The following PRKX variants were observed in gnomAD, a reference collection of about 807,000 sequenced individuals.
PRKX encodes protein kinase cAMP-dependent X-linked catalytic subunit, also known as cAMP-dependent protein kinase catalytic subunit PRKX.
Under a neutral mutation model 22.0 loss-of-function variants are expected in PRKX, and 12 were observed. The observed-to-expected ratio is 0.54, with a 90% CI of 0.35 to 0.88. The LOEUF is 0.88. Ranked by LOEUF, PRKX falls within the 40% of genes least tolerant of loss-of-function variation. PRKX has a pLI of 0.01. For synonymous variants in PRKX, 134 were observed against 137.7 expected, an observed-to-expected ratio of 0.97 and a Z score of 0.19; for missense variants, 217 against 308.0, an observed-to-expected ratio of 0.70 and a Z score of 2.21.
At chrX:3,704,402 C>T (rs753979250) in intron 1 of PRKX, among the ~76,000 whole-genome samples, 3 of 111,970 alleles carry the variant, frequency 2.7e-5, no homozygotes, top group African/African-American at 6.5e-5. Context: ...TGGTGGCTCA[C>T]GCCTGTAATC....
intron 1 of PRKX, among the ~76,000 whole-genome samples, chrX:3,697,843 A>C (rs1928476823): frequency 8.9e-6 from 1 of 112,014 alleles, no homozygotes; most frequent in Non-Finnish European, 1.9e-5. Context: ...GGGCAACCGC[A>C]CACAGCCATG....
intron 1 of PRKX, among the ~76,000 whole-genome samples, chrX:3,700,187 C>G (rs1420217740): frequency 1.8e-5 from 2 of 112,118 alleles, no homozygotes; most frequent in African/African-American, 6.5e-5. Flanking sequence ...GACCCTCTGG[C>G]TTGTGACAGC....
In PRKX at chrX:3,667,069, A is replaced by G. The variant is rs779131965; in HGVS notation, c.335+7529T>C. 7.2e-5 allele frequency among the ~76,000 whole-genome samples: 8 copies of G among 111,462 alleles called. No individual in the cohort carries two copies. The East Asian group carries it at 2.2e-3, about 31-fold the overall frequency. On this transcript the variant is annotated intron_variant, in intron 2 of 8. Transcript: ENST00000262848. ...GAAAGTCAACATGAAGAAAGAGTCA[A>G]TGTCGTCAACAACGACTGAGACAAG...
At chrX:3,643,836 G>A (rs188376033) in intron 3 of PRKX, among the ~76,000 whole-genome samples, 1 of 110,965 alleles carries the variant, frequency 9.0e-6, no homozygotes, top group African/African-American at 3.3e-5. Flanking sequence ...CATGTGCAAA[G>A]CCTATTTTAT....
At chrX:3,684,613 T>C (rs1928138819) in intron 1 of PRKX, among the ~76,000 whole-genome samples, 1 of 111,418 alleles carries the variant, frequency 9.0e-6, no homozygotes, top group South Asian at 3.8e-4. Flanking sequence ...ACTACTGTAA[T>C]AACCTAACAC....
chrX:3,710,627 G>T (rs1261330697), intron 1 of PRKX, among the ~76,000 whole-genome samples: 1 of 111,660 alleles, frequency 9.0e-6, no homozygotes. Flanking sequence ...GCCTGCCTCG[G>T]CCTCCCAAAG....
chrX:3,649,695 A>G (rs867758293), intron 3 of PRKX, among the ~76,000 whole-genome samples: 1 of 10,081 alleles, frequency 9.9e-5, no homozygotes, highest in Non-Finnish European at 1.7e-4. Context: ...GAGGGGAGGG[A>G]AGGGGAAGGA....
Position 3,636,276 on chromosome X carries a change from G to A in PRKX, c.719+5576C>T, listed in dbSNP as rs1346166577. Among the ~76,000 whole-genome samples the A allele has an allele frequency of 2.7e-5, 3 of 112,448 alleles. No homozygotes were observed. In the South Asian group the frequency reaches 1.1e-3, roughly 41 times the overall value. On this transcript the variant is annotated intron_variant, in intron 4 of 8. Coordinates refer to ENST00000262848, the MANE Select transcript of PRKX (RefSeq NM_005044.5). ...AAAGGTGCAGACACAGGCTGCGAAG[G>A]GAGCAGGAAGACTCTGACTGCAGGC...
At chrX:3,712,426 G>C (rs1427970435) in intron 1 of PRKX, among the ~76,000 whole-genome samples, 1 of 111,417 alleles carries the variant, frequency 9.0e-6, no homozygotes, top group East Asian at 2.8e-4. Flanking sequence ...TGCCCATTCG[G>C]GGTTAAGTTC....
intron 1 of PRKX, among the ~76,000 whole-genome samples, chrX:3,683,440 C>T (rs1470317622): frequency 1.8e-5 from 2 of 110,648 alleles, no homozygotes; most frequent in Non-Finnish European, 3.8e-5. Context: ...CATGTCTGAG[C>T]CTTCCCAGGC....
intron 2 of PRKX, among the ~76,000 whole-genome samples, chrX:3,670,779 A>G (rs1245658761): frequency 2.7e-5 from 3 of 111,065 alleles, no homozygotes; most frequent in Non-Finnish European, 5.7e-5. Context: ...TCCTGGGTGC[A>G]AGGGACACTC....
At chrX:3,623,701 C>T (rs1224002871) in intron 5 of PRKX, among the ~76,000 whole-genome samples, 2 of 111,424 alleles carry the variant, frequency 1.8e-5, no homozygotes, top group African/African-American at 6.5e-5. Flanking sequence ...GGTCCCTTGA[C>T]CCCGGGATAA....
intron 1 of PRKX, among the ~76,000 whole-genome samples, chrX:3,709,940 C>G (rs1443908096): frequency 1.8e-5 from 2 of 109,873 alleles, no homozygotes; most frequent in Non-Finnish European, 3.8e-5. Flanking sequence ...CGCCACCATG[C>G]CCAGCTAACT....
chrX:3,688,214 G>A (rs746814244), intron 1 of PRKX, among the ~76,000 whole-genome samples: 8,909 of 101,023 alleles, frequency 0.088, 643 homozygotes, highest in East Asian at 0.28. Context: ...GGGAGGCCGA[G>A]GCAGGTGGAT....
chrX:3,616,796 G>T (rs1181098050), intron 6 of PRKX, among the ~76,000 whole-genome samples: 3 of 111,677 alleles, frequency 2.7e-5, no homozygotes, highest in Non-Finnish European at 5.6e-5. Context: ...AGGTATTTTT[G>T]ATCTATAGCT....
Position 3,618,076 on chromosome X carries a change from AG to A in PRKX, c.874-2185del, listed in dbSNP as rs1264630219. 9.2e-4 allele frequency among the ~76,000 whole-genome samples: 96 copies of A among 103,956 alleles called. 2 individuals are homozygous for A. Among genetic ancestry groups the A allele is most frequent in the East Asian group, 5.7e-3 (18 of 3,172 alleles). The allele number at this position is 103,956 out of a possible 115,157, so 90.3% of individuals were successfully genotyped here. Reference sequence around the variant, plus strand: ...AAAAAAAAAAAAAAAAAAGAGAGAGAGAGAGAGAGAAATAAGCCAGGCACAG... The same window carrying A: ...AAAAAAAAAAAAAAAAAAGAGAGAGAAGAGAGAGAAATAAGCCAGGCACAG... On this transcript the variant is annotated intron_variant, in intron 6 of 8. Coordinates refer to ENST00000262848, the MANE Select transcript of PRKX (RefSeq NM_005044.5).
chrX:3,686,868 T>C (rs763736334), intron 1 of PRKX, among the ~76,000 whole-genome samples: 20 of 112,270 alleles, frequency 1.8e-4, no homozygotes, highest in African/African-American at 5.5e-4. Flanking sequence ...ATCTATTTTT[T>C]AATTATGGTA....
intron 1 of PRKX, among the ~76,000 whole-genome samples, chrX:3,693,657 G>A (rs1021387700): frequency 9.0e-6 from 1 of 111,084 alleles, no homozygotes; most frequent in Non-Finnish European, 1.9e-5. Context: ...GGTTTTTGAG[G>A]CCGGGCGCGG....
intron 3 of PRKX, among the ~76,000 whole-genome samples, chrX:3,647,930 T>C (rs1330290923): frequency 1.8e-5 from 2 of 111,028 alleles, no homozygotes; most frequent in Non-Finnish European, 3.8e-5. Flanking sequence ...TCTGTCCTTA[T>C]GATTTGGAAG....
Sources: allele counts gnomAD v4.1 joint callset (sites outside exome capture counted in the v4.1 genomes callset), GRCh38; gene constraint gnomAD v4.1.1; transcripts MANE v1.5; gene names NCBI Gene and HGNC (gene_info 2026-07-23, HGNC 2026-07-21).